Variants in PATJ observed in about 807,000 individuals in gnomAD.
PATJ encodes inaD-like protein.
Under a neutral mutation model 224.9 loss-of-function variants are expected in PATJ, and 190 were observed. The observed-to-expected ratio is 0.84, with a 90% CI of 0.75 to 0.95. The LOEUF (loss-of-function observed/expected upper bound fraction) is 0.95, where lower values mean the gene tolerates loss of function less well. PATJ is among the 40% of genes least tolerant of loss of function. The pLI is 0.00. For synonymous variants in PATJ, 769 were observed against 820.3 expected (o/e 0.94, Z 1.07); for missense variants, 2,121 against 2,270.3 (o/e 0.93, Z 1.34).
At chr1:61,821,285 T>A (rs1339660002) in intron 14 of PATJ, among the ~76,000 whole-genome samples, 1 of 151,958 alleles carries the variant, frequency 6.6e-6, no homozygotes, top group African/African-American at 2.4e-5. Context: ...GACCTTGTGA[T>A]CCTCCCGCTC....
At chr1:61,790,515 G>GTTTTTT (rs377372844) in intron 8 of PATJ, among the ~76,000 whole-genome samples, 3 of 129,022 alleles carry the variant, frequency 2.3e-5, no homozygotes, top group Admixed American at 8.5e-5. Context: ...TCTTTTTTTT[G>GTTTTTT]TTTTTTTTTT....
At chr1:61,912,160 A>G (rs1359675478) in intron 25 of PATJ, among the ~76,000 whole-genome samples, 6 of 152,090 alleles carry the variant, frequency 3.9e-5, no homozygotes, top group African/African-American at 7.2e-5. Context: ...AACATTTTGC[A>G]TATTAATCAC....
At chr1:62,011,131 C>T (rs1360710481) in intron 28 of PATJ, among the ~76,000 whole-genome samples, 3 of 152,158 alleles carry the variant, frequency 2.0e-5, no homozygotes, top group Non-Finnish European at 2.9e-5. Flanking sequence ...GCAATTAGGC[C>T]GTTTCGCTTT....
chr1:62,142,358 T>TC (rs1558228577), intron 41 of PATJ, among the ~76,000 whole-genome samples: 1 of 152,010 alleles, frequency 6.6e-6, no homozygotes, highest in Non-Finnish European at 1.5e-5. Context: ...TTTTTTTTTT[T>TC]CTCCTTTAAG....
chr1:61,992,406 C>G (rs139311877), intron 28 of PATJ, among the ~76,000 whole-genome samples: 1 of 152,154 alleles, frequency 6.6e-6, no homozygotes, highest in South Asian at 2.1e-4. Context: ...GCGTGAGTCA[C>G]CAGGCCTGGT....
At chr1:61,997,358 G>C (rs551447720) in intron 28 of PATJ, among the ~76,000 whole-genome samples, 1 of 152,298 alleles carries the variant, frequency 6.6e-6, no homozygotes, top group South Asian at 2.1e-4. Context: ...CTGTGGTGCT[G>C]GCTGAGTGGT....
chr1:61,855,323 T>C (rs1663479872), intron 17 of PATJ, among the ~76,000 whole-genome samples: 1 of 152,188 alleles, frequency 6.6e-6, no homozygotes, highest in African/African-American at 2.4e-5. Context: ...AATCTATATA[T>C]TTTGGGCACT....
chr1:61,938,330 C>A (rs1469288144), intron 27 of PATJ, among the ~76,000 whole-genome samples: 1 of 151,820 alleles, frequency 6.6e-6, no homozygotes, highest in Non-Finnish European at 1.5e-5. Flanking sequence ...TAACAGCATT[C>A]TTGATTATAA....
At chr1:62,010,448 G>A (rs537928802) in intron 28 of PATJ, among the ~76,000 whole-genome samples, 10 of 63,082 alleles carry the variant, frequency 1.6e-4, no homozygotes, top group African/African-American at 6.1e-4. Context: ...TCCCCACCCC[G>A]CCCCAGCCTC....
At chr1:61,767,181 T>G (rs1646330938) in intron 4 of PATJ, among the ~76,000 whole-genome samples, 1 of 152,146 alleles carries the variant, frequency 6.6e-6, no homozygotes, top group African/African-American at 2.4e-5. Context: ...AATTAAATAA[T>G]AAACAATTAA....
intron 42 of PATJ, among the ~76,000 whole-genome samples, chr1:62,150,475 T>C (rs1022489633): frequency 2.0e-5 from 3 of 151,776 alleles, no homozygotes; most frequent in Admixed American, 1.3e-4. Flanking sequence ...AGGAGTGTAG[T>C]TGGAGAAGCT....
chr1:62,052,019 C>T (rs1653722263), intron 31 of PATJ, among the ~76,000 whole-genome samples: 1 of 152,176 alleles, frequency 6.6e-6, no homozygotes, highest in African/African-American at 2.4e-5. Context: ...CCCTCTGACT[C>T]CCATGCCTTG....
At chr1:61,981,673 CTTT>C (rs775417916) in intron 27 of PATJ, among the ~76,000 whole-genome samples, 7 of 138,564 alleles carry the variant, frequency 5.1e-5, no homozygotes, top group Admixed American at 2.2e-4. Flanking sequence ...TGTTGTGATT[CTTT>C]TTTTTTTTTT....
At chr1:61,794,903 A>G (rs376550584) in intron 9 of PATJ, among the ~76,000 whole-genome samples, 158 of 151,730 alleles carry the variant, frequency 1.0e-3, no homozygotes, top group Middle Eastern at 3.4e-3. Flanking sequence ...AATCACTTGA[A>G]CTCTGAAAGT....
At chr1:61,884,699 C>G (rs1668582126) in intron 22 of PATJ, among the ~76,000 whole-genome samples, 1 of 151,960 alleles carries the variant, frequency 6.6e-6, no homozygotes, top group Admixed American at 6.6e-5. Context: ...CACTTGAGGA[C>G]AAATTAAAAG....
chr1:61,791,253 G>A, intron 8 of PATJ, 95 bp from the exon 9 acceptor site: 1 of 662,250 alleles, frequency 1.5e-6, no homozygotes, highest in Non-Finnish European at 2.6e-6. Flanking sequence ...TGCCATAGAT[G>A]CTAAGAAAAT....
At chr1:61,898,947 C>T (rs1467027799) in intron 22 of PATJ, among the ~76,000 whole-genome samples, 2 of 136,822 alleles carry the variant, frequency 1.5e-5, no homozygotes, top group African/African-American at 5.7e-5. Context: ...CCACCATGCA[C>T]AGCTGATTTT....
chr1:62,157,505 G>A (rs17123151), intron 43 of PATJ, among the ~76,000 whole-genome samples: 6,328 of 148,764 alleles, frequency 0.043, 487 homozygotes, highest in South Asian at 0.15. Context: ...AAGTCCTTCC[G>A]TTTTCTTTCA....
At chr1:61,754,265 A>T (rs1253669164) in intron 1 of PATJ, among the ~76,000 whole-genome samples, 1 of 152,222 alleles carries the variant, frequency 6.6e-6, no homozygotes, top group East Asian at 1.9e-4. Context: ...TCTTAACTAA[A>T]CAGGTCAATT....
Sources: gnomAD v4.1 joint callset for allele counts (sites outside exome capture counted in the v4.1 genomes callset) on GRCh38, gnomAD v4.1.1 for gene constraint, MANE v1.5 for transcripts, NCBI Gene and HGNC (gene_info 2026-07-23, HGNC 2026-07-21) for gene names.